The following WDR86 variants were observed in gnomAD, a reference collection of about 807,000 sequenced individuals.
WDR86 encodes WD repeat domain 86.
WDR86 carries 30 observed loss-of-function variants against 36.5 expected under a neutral mutation model. That is an observed-to-expected ratio of 0.82 (90% confidence interval 0.61 to 1.11). The LOEUF (loss-of-function observed/expected upper bound fraction) is 1.11, where lower values mean the gene tolerates loss of function less well. Among genes scored for constraint, WDR86 ranks in the 50% most tolerant of loss-of-function variants. WDR86 has a pLI of 0.00. For missense variants in WDR86, 545 were observed against 561.2 expected (o/e 0.97, Z 0.29); for synonymous variants, 255 against 252.9 (o/e 1.01, Z -0.08).
intron 3 of WDR86, among the ~76,000 whole-genome samples, chr7:151,389,444 G>A (rs10262512): frequency 0.011 from 1,737 of 152,252 alleles, 32 homozygotes; most frequent in African/African-American, 0.038. Context: ...ATCGCCGGGC[G>A]GCTCACTCAG....
intron 2 of WDR86, among the ~76,000 whole-genome samples, chr7:151,396,865 G>C (rs1799861235): frequency 6.6e-6 from 1 of 152,244 alleles, no homozygotes. Context: ...AGCCTCAACA[G>C]GGTTCTAGCC....
downstream of WDR86, among the ~76,000 whole-genome samples, chr7:151,379,733 G>A (rs189724603): frequency 1.1e-4 from 16 of 152,314 alleles, no homozygotes; most frequent in South Asian, 2.1e-4. Context: ...GCCCCACTGG[G>A]TTTCTCTGGA....
rs553594607 is a variant in WDR86 at position 151,385,408 on chromosome 7, C to A, written c.727-185G>T. 5 of 1,074,194 alleles carry A rather than the reference C, an allele frequency of 4.7e-6. No individual in the cohort carries two copies. In the East Asian group the frequency reaches 7.8e-5, roughly 17 times the overall value. The allele number at this position is 1,074,194 out of a possible 1,614,324, so 66.5% of individuals were successfully genotyped here. A position where few individuals can be genotyped will look rare whatever the true frequency, so the allele number is the denominator to read the frequency against. ...CAGCACCCAAAAGCAGGCGGCTGCT[C>A]CTGCCCCATGGGGCAGCCAGTGCTC... On this transcript the variant is annotated intron_variant, in intron 3 of 5. Transcript: ENST00000334493.
Position 151,406,285 on chromosome 7 carries a change from C to G in WDR86, c.163+3142G>C, listed in dbSNP as rs1007657461. Among the ~76,000 whole-genome samples, 2 of 152,208 alleles carry G rather than the reference C, an allele frequency of 1.3e-5. No individual in the cohort carries two copies. The highest frequency in any genetic ancestry group is 4.8e-5 in the African/African-American group (2 of 41,454). The stretch of plus-strand genomic sequence containing the variant: ...ACAGGGAACGGCCTTCACTCTTCCT[C>G]TCCCTCTCACCCTTTGGCCCAAACT... On this transcript the variant is annotated intron_variant, in intron 1 of 5. Transcript: ENST00000334493. This position sits in a 1 kb window ranked among gnomAD's most constrained non-coding sequence, Gnocchi z 4.4.
At chr7:151,404,458 T>C (rs887406) in intron 1 of WDR86, among the ~76,000 whole-genome samples, 113,700 of 151,974 alleles carry the variant, frequency 0.75, 42,810 homozygotes, top group African/African-American at 0.78. Flanking sequence ...CCCCAACCCC[T>C]ATGTTCCACA....
downstream of WDR86, chr7:151,377,103 C>T (rs373447261): frequency 6.8e-4 from 1,076 of 1,583,506 alleles, 1 homozygote; most frequent in Non-Finnish European, 8.7e-4. Context: ...CAATGAGATA[C>T]TGGAAGACAT....
At position 151,375,979 on chromosome 7, in the gene WDR86, G is replaced by A; in HGVS notation, n.1311C>T. On this transcript the variant is annotated non_coding_transcript_exon_variant, in exon 2 of 2. Transcript: ENST00000463000. The stretch of plus-strand genomic sequence containing the variant: ...GGCCTTTGTGCCCTCAGCTTGGACA[G>A]CCTCGGGTGGGGTTGCTTGGGGTAA... 4.3e-6 allele frequency: 6 copies of A among 1,402,922 alleles called. No homozygotes were observed. In the Admixed American group the frequency reaches 8.4e-5, roughly 20 times the overall value. 86.9% of individuals were successfully genotyped at this position (1,402,922 alleles called of 1,614,324 possible). A position where few individuals can be genotyped will look rare whatever the true frequency, so the allele number is the denominator to read the frequency against.
At chr7:151,400,316 T>C (rs758675610) in intron 1 of WDR86, 75 bp from the exon 2 acceptor site, 65 of 1,427,946 alleles carry the variant, frequency 4.6e-5, no homozygotes, top group Non-Finnish European at 5.9e-5. Context: ...GAACAATGTT[T>C]GAAAAGGGAA....
At chr7:151,392,493 C>G (rs1799507112) in intron 3 of WDR86, among the ~76,000 whole-genome samples, 1 of 152,190 alleles carries the variant, frequency 6.6e-6, no homozygotes, top group Admixed American at 6.5e-5. Context: ...CATGTAACCC[C>G]TGAAGCCCCC....
At chr7:151,378,508 G>T (rs928247770), downstream of WDR86, 5 of 152,240 alleles carry the variant, frequency 3.3e-5, no homozygotes, top group African/African-American at 4.8e-5. Flanking sequence ...TGTTGAAAGT[G>T]TCTGGGTGAC....
chr7:151,373,460 C>T (rs1798051949), downstream of WDR86, among the ~76,000 whole-genome samples: 1 of 152,132 alleles, frequency 6.6e-6, no homozygotes, highest in Non-Finnish European at 1.5e-5. Context: ...TGCGCTCCTG[C>T]AGCAATAGCA....
downstream of WDR86, chr7:151,376,629 C>T (rs767033870): frequency 1.2e-5 from 19 of 1,607,070 alleles, no homozygotes; most frequent in Non-Finnish European, 1.5e-5. Context: ...TGCGCTCTCC[C>T]CTAGTTGGTG....
At position 151,381,372 on chromosome 7, in the gene WDR86, G is replaced by T. The variant is rs555478075; in HGVS notation, c.*210C>A. The T allele has an allele frequency of 1.3e-5, 19 of 1,440,930 alleles. No individual in the cohort carries two copies. The South Asian group carries it at 2.5e-4, about 19-fold the overall frequency. The allele number at this position is 1,440,930 out of a possible 1,614,324, so 89.3% of individuals were successfully genotyped here. On this transcript the variant is annotated 3_prime_UTR_variant, in exon 6 of 6. Coordinates refer to ENST00000334493, the MANE Select transcript of WDR86 (RefSeq NM_198285.3). The surrounding 1 kb of genome is among the most constrained non-coding windows in gnomAD (Gnocchi z 4.8). Reference sequence around the variant, plus strand: ...ACAGGAGCCACCCTAAAAGGGAAAAGGGGGCGGTCCCCAGGGCGAGCACTC... The same window carrying T: ...ACAGGAGCCACCCTAAAAGGGAAAATGGGGCGGTCCCCAGGGCGAGCACTC...
chr7:151,403,111 C>T (rs1307730644), intron 1 of WDR86, among the ~76,000 whole-genome samples: 1 of 152,228 alleles, frequency 6.6e-6, no homozygotes, highest in East Asian at 1.9e-4. Flanking sequence ...GGCTACACAT[C>T]GCTTCACTTG....
intron 1 of WDR86, among the ~76,000 whole-genome samples, chr7:151,404,652 A>G (rs1800581646): frequency 6.6e-6 from 1 of 152,232 alleles, no homozygotes; most frequent in Non-Finnish European, 1.5e-5. Flanking sequence ...ATTGTGCAGA[A>G]TAAGCAAAAA....
At chr7:151,374,196 C>A, downstream of WDR86, 1 of 1,571,654 alleles carries the variant, frequency 6.4e-7, no homozygotes, top group East Asian at 2.4e-5. Context: ...GCACGCGGCC[C>A]AGCAGGTACT....
intron 3 of WDR86, among the ~76,000 whole-genome samples, chr7:151,385,859 G>C (rs955247002): frequency 1.9e-4 from 29 of 152,298 alleles, no homozygotes; most frequent in Non-Finnish European, 3.7e-4. Flanking sequence ...AAGATGGACG[G>C]GAGTAGCGGC....
chr7:151,410,642 C>G (rs1801140424), upstream of WDR86: 1 of 152,228 alleles, frequency 6.6e-6, no homozygotes, highest in Non-Finnish European at 1.5e-5. Flanking sequence ...TAATGGACCC[C>G]GGGGTCGGCC....
At chr7:151,404,453 A>AT (rs1438530898) in intron 1 of WDR86, among the ~76,000 whole-genome samples, 6 of 151,424 alleles carry the variant, frequency 4.0e-5, no homozygotes, top group African/African-American at 4.9e-5. Context: ...CCCAACCCCA[A>AT]CCCCTATGTT....
Sources: allele counts gnomAD v4.1 joint callset (sites outside exome capture counted in the v4.1 genomes callset), GRCh38; gene constraint gnomAD v4.1.1; non-coding constraint Gnocchi (gnomAD v3.1); transcripts MANE v1.5; gene names NCBI Gene and HGNC (gene_info 2026-07-23, HGNC 2026-07-21).